The following CLPTM1 variants were observed in gnomAD, a reference collection of about 807,000 sequenced individuals.
CLPTM1 encodes the protein CLPTM1 regulator of GABA type A receptor forward trafficking.
Under a neutral mutation model 77.3 loss-of-function variants are expected in CLPTM1, and 21 were observed. The observed-to-expected ratio is 0.27, with a 90% confidence interval of 0.19 to 0.39. The LOEUF (loss-of-function observed/expected upper bound fraction) is 0.39, where lower values mean the gene tolerates loss of function less well. Among genes scored for constraint, CLPTM1 ranks in the 10% least tolerant of loss-of-function variants. The pLI is 1.00. For missense variants in CLPTM1, 642 were observed against 921.2 expected, an observed-to-expected ratio of 0.70 and a Z score of 3.92; for synonymous variants, 373 against 381.0, an observed-to-expected ratio of 0.98 and a Z score of 0.24.
intron 2 of CLPTM1, among the ~76,000 whole-genome samples, chr19:44,964,067 G>T (rs1174575673): frequency 6.6e-6 from 1 of 151,622 alleles, no homozygotes; most frequent in Non-Finnish European, 1.5e-5. Context: ...GGCCCTGCCT[G>T]ACCCTCAGAA....
Position 44,991,270 on chromosome 19 carries a change from C to G in CLPTM1, c.1452C>G (p.Phe484Leu). ...TCCGGTACCTGTCCTGGATCCTCTT[C>G]CCGCTCCTGGGCTGCTATGCCGTCT... ...MAFRYLSWIL[F>L]PLLGCYAVYS... Residue 484 changes from phenylalanine (F) to leucine (L), a missense_variant, in exon 12 of 14, where the codon TTC (phenylalanine) becomes TTG (leucine). By Grantham distance (22) the Phe-to-Leu change is conservative (BLOSUM62 0). This residue lies in a region of CLPTM1 where 521 missense variants were observed against 800.4 expected (regional missense o/e 0.65). Transcript: ENST00000337392. This position sits in a 1 kb window ranked among gnomAD's most constrained non-coding sequence, Gnocchi z 5.4. 6.2e-7 allele frequency: 1 copy of G among 1,614,064 alleles called. No individual in the cohort carries two copies. Among genetic ancestry groups the G allele is most frequent in the East Asian group, 2.2e-5 (1 of 44,874 alleles).
rs1469631402 is a variant in CLPTM1 at position 44,992,522 on chromosome 19, C to T, written c.1724-89C>T. 6.3e-7 allele frequency: 1 copy of T among 1,592,456 alleles called. No homozygotes were observed. The highest frequency in any genetic ancestry group is 8.6e-7 in the Non-Finnish European group (1 of 1,165,494). ...GGTGCTCAGTCTGAGGGGGCTCGGC[C>T]CCGCCCTTGCATCACGCCCTCTCCA... On this transcript the variant is annotated intron_variant, in intron 13 of 13. Transcript: ENST00000337392. This position sits in a 1 kb window ranked among gnomAD's most constrained non-coding sequence, Gnocchi z 7.7.
chr19:44,988,573 C>A (rs1482300769), intron 9 of CLPTM1, among the ~76,000 whole-genome samples: 1 of 152,242 alleles, frequency 6.6e-6, no homozygotes, highest in Non-Finnish European at 1.5e-5. Context: ...GAGCACTGTC[C>A]CCCAAAGGTC....
At chr19:44,970,690 C>T (rs1371356895) in intron 2 of CLPTM1, among the ~76,000 whole-genome samples, 2 of 146,754 alleles carry the variant, frequency 1.4e-5, no homozygotes, top group African/African-American at 5.4e-5. Context: ...AGCCACCGCG[C>T]CCAGCCTAGG....
intron 5 of CLPTM1, among the ~76,000 whole-genome samples, chr19:44,978,807 G>A (rs1970846115): frequency 6.7e-6 from 1 of 150,112 alleles, no homozygotes; most frequent in East Asian, 2.0e-4. Context: ...TGGGGATTAA[G>A]TTTCACTGGG....
Position 44,991,083 on chromosome 19 carries a change from T to G in CLPTM1, c.1419+138T>G. 1 of 1,228,966 alleles carries G rather than the reference T, an allele frequency of 8.1e-7. No homozygotes were observed. The highest frequency in any genetic ancestry group is 1.1e-6 in the Non-Finnish European group (1 of 925,994). 76.1% of individuals were successfully genotyped at this position (1,228,966 alleles called of 1,614,324 possible). A position where few individuals can be genotyped will look rare whatever the true frequency, so the allele number is the denominator to read the frequency against. On this transcript the variant is annotated intron_variant, in intron 11 of 13. Coordinates refer to ENST00000337392, the MANE Select transcript of CLPTM1 (RefSeq NM_001294.4). This position sits in a 1 kb window ranked among gnomAD's most constrained non-coding sequence, Gnocchi z 5.4. ...CATCCTCTGTGTCCCCCATCTGCCA[T>G]AACTGCTTCCCTGGGCGAGTCCGGA...
At chr19:44,971,849 A>G (rs1347727689) in intron 2 of CLPTM1, among the ~76,000 whole-genome samples, 1 of 146,482 alleles carries the variant, frequency 6.8e-6, no homozygotes, top group East Asian at 2.0e-4. Flanking sequence ...ATGAGCTGCT[A>G]CACCTGACCC....
chr19:44,966,090 G>C (rs867055094), intron 2 of CLPTM1, among the ~76,000 whole-genome samples: 3 of 152,118 alleles, frequency 2.0e-5, no homozygotes, highest in African/African-American at 7.2e-5. Context: ...CAAACAATAC[G>C]AAGAGTGAAA....
intron 2 of CLPTM1, 66 bp downstream of exon 2, chr19:44,962,141 A>T: frequency 9.8e-7 from 1 of 1,022,668 alleles, no homozygotes; most frequent in African/African-American, 1.6e-5. Context: ...AGAAAGGAAA[A>T]GTCAGCTGAT....
At chr19:44,977,295 C>T in intron 4 of CLPTM1, 48 bp from the exon 5 acceptor site, 1 of 1,404,812 alleles carries the variant, frequency 7.1e-7, no homozygotes, top group Non-Finnish European at 1.0e-6. Flanking sequence ...TAACGTTTCC[C>T]TCACCCCAGT....
At position 44,986,540 on chromosome 19, in the gene CLPTM1, G is replaced by A; in HGVS notation, c.758G>A (p.Trp253Ter). 1 of 1,614,036 alleles carries A rather than the reference G, an allele frequency of 6.2e-7. No individual in the cohort carries two copies. Among genetic ancestry groups the A allele is most frequent in the Non-Finnish European group, 8.5e-7 (1 of 1,180,014 alleles). Residue 253 changes from tryptophan to a stop codon, truncating the protein, a stop_gained, in exon 7 of 14, where the codon TGG becomes TAG. Transcript: ENST00000337392. LOFTEE classifies it high-confidence loss of function. The stretch of plus-strand genomic sequence containing the variant: ...AACATCGTGGACGACCACACGCCGT[G>A]GGTGAAGGGCAGTGTGCCCCCTCCC... ...TINIVDDHTP[W>*]VKGSVPPPLD...
rs535252761 is a variant in CLPTM1, at chr19:44,991,262, A to G, written c.1444A>G (p.Ile482Val). The change falls in exon 12 of 14, where the codon ATC (isoleucine) becomes GTC (valine). Residue 482 changes from isoleucine to valine, a missense_variant. This residue lies in a region of CLPTM1 where 521 missense variants were observed against 800.4 expected (regional missense o/e 0.65). Transcript: ENST00000337392. This position sits in a 1 kb window ranked among gnomAD's most constrained non-coding sequence, Gnocchi z 5.4. ...DDMAFRYLSW[I>V]LFPLLGCYAV... Reference sequence around the variant, plus strand: ...GATGGCATTCCGGTACCTGTCCTGGATCCTCTTCCCGCTCCTGGGCTGCTA... The same window carrying G: ...GATGGCATTCCGGTACCTGTCCTGGGTCCTCTTCCCGCTCCTGGGCTGCTA... 4.3e-6 allele frequency: 7 copies of G among 1,613,970 alleles called. No homozygotes were observed. The highest frequency in any genetic ancestry group is 5.9e-6 in the Non-Finnish European group (7 of 1,179,938).
Position 44,992,847 on chromosome 19 carries a change from G to A in CLPTM1, c.1960G>A (p.Glu654Lys), listed in dbSNP as rs138129932. The change falls in exon 14 of 14, where the codon GAG becomes AAG. Residue 654 changes from glutamate to lysine, a missense_variant. Glu to Lys is a moderately conservative substitution (Grantham distance 56). Coordinates refer to ENST00000337392, the MANE Select transcript of CLPTM1 (RefSeq NM_001294.4). The surrounding 1 kb of genome is among the most constrained non-coding windows in gnomAD (Gnocchi z 7.7). Reference sequence around the variant, plus strand: ...CACCCAGGGGGCCAGCTCTGCCAGCGAGCCCCAGGAAGCCCCTCCAAAGCC... The same window carrying A: ...CACCCAGGGGGCCAGCTCTGCCAGCAAGCCCCAGGAAGCCCCTCCAAAGCC... The part of the protein sequence containing the change: ...KPTQGASSAS[E>K]PQEAPPKPAE... 9 of 1,613,716 alleles carry A rather than the reference G, an allele frequency of 5.6e-6. 1 individual carries two copies. Among genetic ancestry groups the A allele is most frequent in the African/African-American group, 4.0e-5 (3 of 74,982 alleles).
At position 44,992,206 on chromosome 19, in the gene CLPTM1, C is replaced by T. The variant is rs1221844547; in HGVS notation, c.1556-27C>T. 1.2e-6 allele frequency: 2 copies of T among 1,613,140 alleles called. No individual in the cohort carries two copies. The highest frequency in any genetic ancestry group is 2.2e-5 in the East Asian group (1 of 44,868). On this transcript the variant is annotated intron_variant, in intron 12 of 13. Transcript: ENST00000337392. This position sits in a 1 kb window ranked among gnomAD's most constrained non-coding sequence, Gnocchi z 7.7. ...AGGGGAGAGGTGGGAGAGGCCATCC[C>T]TCTGCTCATGGGTGCTCTCACTGCA... is the stretch of plus-strand genomic sequence containing the variant.
Position 44,992,922 on chromosome 19 carries a change from G to A in CLPTM1, c.*25G>A, listed in dbSNP as rs747311916. On this transcript the variant is annotated 3_prime_UTR_variant, in exon 14 of 14. Transcript: ENST00000337392. This position sits in a 1 kb window ranked among gnomAD's most constrained non-coding sequence, Gnocchi z 7.7. ...GTCGAGACTGGTCCTCACCTGCTCC[G>A]GCTCCTGGCGACCACTACCCCTGCG... 159 of 1,606,016 alleles carry A rather than the reference G, an allele frequency of 9.9e-5. No homozygotes were observed. The highest frequency in any genetic ancestry group is 3.3e-4 in the Middle Eastern group (2 of 6,080).
Position 44,970,400 on chromosome 19 carries a change from A to ATT in CLPTM1, c.186-2671_186-2670dup, listed in dbSNP as rs34309230. 2.1e-3 allele frequency among the ~76,000 whole-genome samples: 251 copies of ATT among 119,986 alleles called. 10 individuals carry two copies. The highest frequency in any genetic ancestry group is 7.9e-3 in the Middle Eastern group (2 of 252). 78.7% of individuals were successfully genotyped at this position (119,986 alleles called of 152,430 possible). A position where few individuals can be genotyped will look rare whatever the true frequency, so the allele number is the denominator to read the frequency against. ...TATGTTGTATGTGCCCTGGGCTAGC[A>ATT]TTTTTTTTTTTTTTTTTGAGACAGG... is the stretch of plus-strand genomic sequence containing the variant. On this transcript the variant is annotated intron_variant, in intron 2 of 13. Transcript: ENST00000337392.
At position 44,992,993 on chromosome 19, in the gene CLPTM1, G is replaced by T. The variant is rs1238692883; in HGVS notation, c.*96G>T. Reference sequence around the variant, plus strand: ...CTCCCTGTCGCCCTTTCCCTGGACAGATCAGGCCGGGGCGGTGGGAGGCCC... The same window carrying T: ...CTCCCTGTCGCCCTTTCCCTGGACATATCAGGCCGGGGCGGTGGGAGGCCC... On this transcript the variant is annotated 3_prime_UTR_variant, in exon 14 of 14. Coordinates refer to ENST00000337392, the MANE Select transcript of CLPTM1 (RefSeq NM_001294.4). The surrounding 1 kb of genome is among the most constrained non-coding windows in gnomAD (Gnocchi z 7.7). 1.4e-6 allele frequency: 2 copies of T among 1,451,424 alleles called. No individual in the cohort carries two copies. The highest frequency in any genetic ancestry group is 1.9e-6 in the Non-Finnish European group (2 of 1,064,840). The allele number at this position is 1,451,424 out of a possible 1,614,324, so 89.9% of individuals were successfully genotyped here. A position where few individuals can be genotyped will look rare whatever the true frequency, so the allele number is the denominator to read the frequency against.
At chr19:44,964,558 G>A (rs71352246) in intron 2 of CLPTM1, among the ~76,000 whole-genome samples, 3 of 151,794 alleles carry the variant, frequency 2.0e-5, no homozygotes, top group East Asian at 3.9e-4. Context: ...TGATCCACCC[G>A]CCTCAGCCTC....
At chr19:44,988,618 C>T (rs577524863) in intron 9 of CLPTM1, among the ~76,000 whole-genome samples, 200 of 152,350 alleles carry the variant, frequency 1.3e-3, no homozygotes, top group African/African-American at 4.2e-3. Context: ...TGATGGCCAG[C>T]GTTTGAGGAG....
Sources: allele counts gnomAD v4.1 joint callset (sites outside exome capture counted in the v4.1 genomes callset), GRCh38; gene constraint gnomAD v4.1.1; regional missense constraint gnomAD v4.1.1; non-coding constraint Gnocchi (gnomAD v3.1); transcripts MANE v1.5; gene names NCBI Gene and HGNC (gene_info 2026-07-23, HGNC 2026-07-21).